Variants in CTNND2 observed in about 807,000 individuals in gnomAD.
CTNND2 encodes catenin delta 2.
Under a neutral mutation model 144.4 loss-of-function variants are expected in CTNND2, and 22 were observed. The ratio of observed to expected loss-of-function variants is 0.15; its 90% CI spans 0.11 to 0.22. The LOEUF is 0.22. CTNND2 is among the 10% of genes least tolerant of loss of function. The pLI is 1.00. For synonymous variants in CTNND2, 751 were observed against 695.6 expected, an observed-to-expected ratio of 1.08 and a Z score of -1.25; for missense variants, 1,353 against 1,618.8, an observed-to-expected ratio of 0.84 and a Z score of 2.82.
intron 2 of CTNND2, among the ~76,000 whole-genome samples, chr5:11,579,909 C>T (rs1467875508): frequency 1.3e-5 from 2 of 152,206 alleles, no homozygotes; most frequent in African/African-American, 2.4e-5. Context: ...ATCATCCCGG[C>T]AGCTGTTCCC....
At chr5:11,505,074 G>A (rs1370288322) in intron 3 of CTNND2, among the ~76,000 whole-genome samples, 2 of 151,934 alleles carry the variant, frequency 1.3e-5, no homozygotes, top group Admixed American at 1.3e-4. Flanking sequence ...AGCATGAACT[G>A]GTGAAATATT....
intron 2 of CTNND2, among the ~76,000 whole-genome samples, chr5:11,711,920 G>A (rs968865918): frequency 6.6e-6 from 1 of 152,224 alleles, no homozygotes; most frequent in Non-Finnish European, 1.5e-5. Context: ...GAGGCATGGT[G>A]CCTGGATCAC....
At chr5:11,288,583 G>T (rs1747989969) in intron 9 of CTNND2, among the ~76,000 whole-genome samples, 1 of 151,976 alleles carries the variant, frequency 6.6e-6, no homozygotes, top group Non-Finnish European at 1.5e-5. Context: ...GTCTTCCATA[G>T]CTTTGGACAA....
intron 2 of CTNND2, among the ~76,000 whole-genome samples, chr5:11,724,710 G>A (rs1197520226): frequency 6.6e-6 from 1 of 152,168 alleles, no homozygotes; most frequent in African/African-American, 2.4e-5. Flanking sequence ...AAAACTATAT[G>A]TGGAATTGTT....
chr5:11,540,113 T>C (rs561183629), intron 3 of CTNND2, among the ~76,000 whole-genome samples: 1 of 152,208 alleles, frequency 6.6e-6, no homozygotes, highest in Non-Finnish European at 1.5e-5. Flanking sequence ...GTCAAATGGC[T>C]GGAAATTAAC....
intron 9 of CTNND2, among the ~76,000 whole-genome samples, chr5:11,324,211 C>T (rs1580907127): frequency 6.6e-6 from 1 of 152,124 alleles, no homozygotes; most frequent in African/African-American, 2.4e-5. Context: ...AGAGTAGGCC[C>T]TGGTTACCCT....
At chr5:11,340,330 T>G (rs1754119787) in intron 9 of CTNND2, among the ~76,000 whole-genome samples, 1 of 152,140 alleles carries the variant, frequency 6.6e-6, no homozygotes, top group South Asian at 2.1e-4. Context: ...AATGAGGCTG[T>G]TTTCAGGCTC....
intron 3 of CTNND2, among the ~76,000 whole-genome samples, chr5:11,437,208 GC>G (rs1763851108): frequency 6.6e-6 from 1 of 152,148 alleles, no homozygotes; most frequent in Admixed American, 6.5e-5. Flanking sequence ...CAGAAACCCT[GC>G]ATATTCATGA....
At chr5:11,382,106 G>A (rs767923391) in intron 7 of CTNND2, among the ~76,000 whole-genome samples, 9 of 152,066 alleles carry the variant, frequency 5.9e-5, no homozygotes, top group Non-Finnish European at 1.2e-4. Flanking sequence ...ACCCAGAGAG[G>A]TACCCCCTGA....
intron 18 of CTNND2, among the ~76,000 whole-genome samples, chr5:11,004,530 G>A (rs574813986): frequency 4.6e-5 from 7 of 152,292 alleles, no homozygotes; most frequent in East Asian, 1.9e-4. Flanking sequence ...TTGAGAGGCC[G>A]AGGTGGGTGG....
chr5:11,592,708 C>T (rs1218693980), intron 2 of CTNND2, among the ~76,000 whole-genome samples: 1 of 151,412 alleles, frequency 6.6e-6, no homozygotes. Flanking sequence ...AAATTATAAT[C>T]AAAACCTCAG....
chr5:11,026,487 A>G (rs1742850926), intron 16 of CTNND2, among the ~76,000 whole-genome samples: 1 of 150,792 alleles, frequency 6.6e-6, no homozygotes, highest in Admixed American at 6.7e-5. Context: ...CCTCCCGAGT[A>G]GCTGGGACTA....
At chr5:11,407,415 GT>G (rs1284150063) in intron 5 of CTNND2, among the ~76,000 whole-genome samples, 3 of 152,160 alleles carry the variant, frequency 2.0e-5, no homozygotes, top group African/African-American at 7.2e-5. Context: ...TACACAAAGT[GT>G]TGGAAAACAC....
chr5:11,898,540 T>C (rs1272810976), intron 1 of CTNND2, among the ~76,000 whole-genome samples: 1 of 152,170 alleles, frequency 6.6e-6, no homozygotes, highest in Non-Finnish European at 1.5e-5. Context: ...AAGTGTATTT[T>C]CTAATATCAA....
intron 15 of CTNND2, among the ~76,000 whole-genome samples, chr5:11,097,147 C>T (rs191078131): frequency 7.3e-4 from 111 of 152,310 alleles, no homozygotes; most frequent in Middle Eastern, 6.8e-3. Context: ...CCCAGGCTCA[C>T]CATGCTCAGA....
chr5:11,764,861 G>A (rs1789488410), intron 1 of CTNND2, among the ~76,000 whole-genome samples: 1 of 151,876 alleles, frequency 6.6e-6, no homozygotes, highest in Admixed American at 6.6e-5. Flanking sequence ...AGCCAATACT[G>A]CAGACCCAAT....
intron 2 of CTNND2, among the ~76,000 whole-genome samples, chr5:11,694,579 G>C (rs1161535851): frequency 6.6e-6 from 1 of 152,222 alleles, no homozygotes; most frequent in Non-Finnish European, 1.5e-5. Context: ...AGGTACATGT[G>C]TGTCCATGCA....
intron 1 of CTNND2, among the ~76,000 whole-genome samples, chr5:11,897,124 T>G (rs1054874576): frequency 6.6e-6 from 1 of 152,200 alleles, no homozygotes; most frequent in South Asian, 2.1e-4. Flanking sequence ...AGAACAATGC[T>G]CCACACCAGT....
intron 11 of CTNND2, among the ~76,000 whole-genome samples, chr5:11,168,986 C>T (rs1759630923): frequency 6.6e-6 from 1 of 152,280 alleles, no homozygotes; most frequent in Non-Finnish European, 1.5e-5. Context: ...CATGCTGAGA[C>T]TGATCAAAAA....
Sources: allele counts gnomAD v4.1 joint callset (sites outside exome capture counted in the v4.1 genomes callset), GRCh38; gene constraint gnomAD v4.1.1; transcripts MANE v1.5; gene names NCBI Gene and HGNC (gene_info 2026-07-23, HGNC 2026-07-21).